Variants in KCNN2 observed in about 807,000 individuals in gnomAD.
KCNN2 encodes the protein potassium calcium-activated channel subfamily N member 2.
Under a neutral mutation model 55.5 loss-of-function variants are expected in KCNN2, and 24 were observed. That is an observed-to-expected ratio of 0.43 (90% CI 0.31 to 0.61). The LOEUF (loss-of-function observed/expected upper bound fraction) is 0.61. Among genes scored for constraint, KCNN2 ranks in the 20% least tolerant of loss-of-function variants. The probability of loss-of-function intolerance (pLI) is 0.08; values close to 1 mark genes in which losing one functional copy is unlikely to be tolerated. For missense variants in KCNN2, 754 were observed against 853.6 expected (o/e 0.88, Z 1.45); for synonymous variants, 431 against 336.1 (o/e 1.28, Z -3.09).
chr5:114,158,088 G>A (rs559688994), intron 1 of KCNN2, among the ~76,000 whole-genome samples: 1 of 151,578 alleles, frequency 6.6e-6, no homozygotes, highest in Non-Finnish European at 1.5e-5. Flanking sequence ...CATGCCTATG[G>A]CCTGAATGGT....
intron 2 of KCNN2, among the ~76,000 whole-genome samples, chr5:114,273,408 A>T (rs1755413365): frequency 1.3e-5 from 2 of 152,144 alleles, no homozygotes; most frequent in South Asian, 4.1e-4. Context: ...GTCAAATGGT[A>T]ATTCTAGTTC....
chr5:114,226,310 A>G (rs1196270285), intron 2 of KCNN2, among the ~76,000 whole-genome samples: 1 of 152,184 alleles, frequency 6.6e-6, no homozygotes, highest in African/African-American at 2.4e-5. Context: ...TCTCTGCAGT[A>G]CAGTATATCG....
intron 1 of KCNN2, among the ~76,000 whole-genome samples, chr5:114,173,516 A>G (rs538562117): frequency 1.3e-5 from 2 of 148,900 alleles, no homozygotes; most frequent in South Asian, 2.1e-4. Flanking sequence ...TGTTTTTTCT[A>G]TTCCTGTGAA....
At chr5:114,254,791 T>C (rs1262112364) in intron 2 of KCNN2, among the ~76,000 whole-genome samples, 1 of 152,154 alleles carries the variant, frequency 6.6e-6, no homozygotes, top group East Asian at 1.9e-4. Flanking sequence ...AGCTGTAACT[T>C]AAAAACAAGC....
chr5:114,066,375 G>A (rs1750451927), intron 1 of KCNN2, among the ~76,000 whole-genome samples: 1 of 152,148 alleles, frequency 6.6e-6, no homozygotes, highest in African/African-American at 2.4e-5. Flanking sequence ...AAACCCTAGG[G>A]TTGAGTTTAA....
chr5:114,077,910 G>A (rs1750717150), intron 1 of KCNN2, among the ~76,000 whole-genome samples: 1 of 152,136 alleles, frequency 6.6e-6, no homozygotes, highest in Admixed American at 6.5e-5. Flanking sequence ...GACCAGGAGA[G>A]ACTTTATTTA....
intron 1 of KCNN2, among the ~76,000 whole-genome samples, chr5:114,090,952 C>G (rs1317058563): frequency 1.3e-5 from 2 of 152,160 alleles, no homozygotes. Flanking sequence ...ATCTGCCCAC[C>G]TCAGCCTTCT....
chr5:114,379,474 ATATT>A (rs1758038914), intron 2 of KCNN2, among the ~76,000 whole-genome samples: 1 of 119,272 alleles, frequency 8.4e-6, no homozygotes, highest in Non-Finnish European at 1.9e-5. Context: ...AACATATTAT[ATATT>A]TATAGAATAT....
chr5:114,401,388 C>G (rs148189215), intron 2 of KCNN2, among the ~76,000 whole-genome samples: 1 of 152,080 alleles, frequency 6.6e-6, no homozygotes, highest in Non-Finnish European at 1.5e-5. Flanking sequence ...CATTATGCTT[C>G]GGTATTCTCA....
chr5:114,134,474 T>TATTTATTTA lies in KCNN2; in HGVS notation c.-271+77975_-271+77983dup, dbSNP rs1236703410. ...TCCAACCATGATTTATTTATTTATT[T>TATTTATTTA]ATTTATTTATTTATTTATTTATTTA... On this transcript the variant is annotated intron_variant, in intron 1 of 10. Transcript: ENST00000512097. Among the ~76,000 whole-genome samples, 8 of 142,768 alleles carry TATTTATTTA rather than the reference T, an allele frequency of 5.6e-5. No homozygotes were observed. In the East Asian group the frequency reaches 1.6e-3, roughly 28 times the overall value. 93.7% of individuals were successfully genotyped at this position (142,768 alleles called of 152,430 possible). A position where few individuals can be genotyped will look rare whatever the true frequency, so the allele number is the denominator to read the frequency against.
In KCNN2 at chr5:114,182,079, A is replaced by C. The variant is rs570134663; in HGVS notation, c.-270-39401A>C. Among the ~76,000 whole-genome samples the C allele has an allele frequency of 1.9e-4, 29 of 152,244 alleles. No individual in the cohort carries two copies. The South Asian group carries it at 5.2e-3, about 27-fold the overall frequency. ...AGATTTGATATTTTTAAAAATATGGATATCCATTTATTTCAGGACTCTTTA... is the reference window on the plus strand; with the variant it reads ...AGATTTGATATTTTTAAAAATATGGCTATCCATTTATTTCAGGACTCTTTA... On this transcript the variant is annotated intron_variant, in intron 1 of 10. Transcript: ENST00000512097.
chr5:114,254,220 T>C (rs72799604), intron 2 of KCNN2, among the ~76,000 whole-genome samples: 2,744 of 152,138 alleles, frequency 0.018, 31 homozygotes, highest in Non-Finnish European at 0.027. Context: ...TACGAAAAGA[T>C]AGAAAATATA....
chr5:114,059,506 G>GT (rs1241932627), intron 1 of KCNN2, among the ~76,000 whole-genome samples: 2 of 152,140 alleles, frequency 1.3e-5, no homozygotes, highest in African/African-American at 2.4e-5. Context: ...GAAATTATGT[G>GT]TTTTTTCCCC....
intron 2 of KCNN2, among the ~76,000 whole-genome samples, chr5:114,277,095 A>C (rs990014024): frequency 1.3e-5 from 2 of 152,102 alleles, no homozygotes; most frequent in African/African-American, 4.8e-5. Context: ...TTCACTTATG[A>C]AGCTTATTTT....
chr5:114,206,880 C>T (rs551784510), intron 1 of KCNN2, among the ~76,000 whole-genome samples: 1 of 152,180 alleles, frequency 6.6e-6, no homozygotes, highest in East Asian at 1.9e-4. Context: ...CTCAACAAGT[C>T]ATTCCTCCCC....
At chr5:114,348,412 T>TAA (rs1277643491) in intron 2 of KCNN2, among the ~76,000 whole-genome samples, 1 of 151,900 alleles carries the variant, frequency 6.6e-6, no homozygotes, top group Non-Finnish European at 1.5e-5. Flanking sequence ...CCCTAAAACT[T>TAA]AAAGTATAAT....
At chr5:114,319,072 G>C (rs1453930395) in intron 2 of KCNN2, among the ~76,000 whole-genome samples, 1 of 151,998 alleles carries the variant, frequency 6.6e-6, no homozygotes. Flanking sequence ...TGAGGCTAAG[G>C]GGTATATTCA....
intron 2 of KCNN2, among the ~76,000 whole-genome samples, chr5:114,264,509 G>A (rs1755169857): frequency 6.6e-6 from 1 of 152,178 alleles, no homozygotes; most frequent in African/African-American, 2.4e-5. Context: ...AAAACAGGGA[G>A]GTTGCTTCTT....
intron 3 of KCNN2, among the ~76,000 whole-genome samples, chr5:114,450,820 A>G (rs1760640955): frequency 6.6e-6 from 1 of 152,228 alleles, no homozygotes; most frequent in Admixed American, 6.5e-5. Context: ...TTAACAAAAC[A>G]CTGTTCTACA....
Sources: gnomAD v4.1 joint callset for allele counts (sites outside exome capture counted in the v4.1 genomes callset) on GRCh38, gnomAD v4.1.1 for gene constraint, MANE v1.5 for transcripts, NCBI Gene and HGNC (gene_info 2026-07-23, HGNC 2026-07-21) for gene names.